KDM4C: variants seen among roughly 807,000 people sequenced by gnomAD.
KDM4C encodes lysine demethylase 4C, also known as lysine-specific demethylase 4C.
KDM4C carries 81 observed loss-of-function variants against 129.3 expected under a neutral mutation model. That is an observed-to-expected ratio of 0.63 (90% CI 0.52 to 0.75). KDM4C has a LOEUF of 0.75. KDM4C is among the 30% of genes least tolerant of loss of function. The pLI, the probability that KDM4C is intolerant of heterozygous loss-of-function variation, is 0.00. For missense variants in KDM4C, 1,457 were observed against 1,304.0 expected, an observed-to-expected ratio of 1.12 and a Z score of -1.81; for synonymous variants, 573 against 456.1, an observed-to-expected ratio of 1.26 and a Z score of -3.26.
intron 19 of KDM4C, among the ~76,000 whole-genome samples, chr9:7,148,329 C>CG (rs1301980206): frequency 2.0e-5 from 3 of 152,160 alleles, no homozygotes; most frequent in African/African-American, 7.2e-5. Flanking sequence ...TGCGGTGAGC[C>CG]GGGGGGCCAT....
chr9:7,124,830 G>A (rs900186620), intron 18 of KDM4C, among the ~76,000 whole-genome samples: 1 of 152,130 alleles, frequency 6.6e-6, no homozygotes, highest in Admixed American at 6.6e-5. Context: ...CTTTTGTTCT[G>A]TCAGGTGTGT....
At chr9:7,012,160 T>C (rs1185335135) in intron 13 of KDM4C, among the ~76,000 whole-genome samples, 1 of 152,202 alleles carries the variant, frequency 6.6e-6, no homozygotes, top group Non-Finnish European at 1.5e-5. Context: ...GCTTGTACTC[T>C]GGCTCAGGCG....
At chr9:7,093,212 T>C (rs538155168) in intron 17 of KDM4C, among the ~76,000 whole-genome samples, 1 of 152,152 alleles carries the variant, frequency 6.6e-6, no homozygotes, top group Non-Finnish European at 1.5e-5. Flanking sequence ...TGAGGACCTG[T>C]TAATGGCTAA....
intron 15 of KDM4C, among the ~76,000 whole-genome samples, chr9:7,024,743 T>A (rs1825507714): frequency 6.6e-6 from 1 of 152,232 alleles, no homozygotes; most frequent in Non-Finnish European, 1.5e-5. Context: ...TTGTTGGACA[T>A]TTGGGTTGAT....
rs750471377 is a variant in KDM4C at position 6,888,063 on chromosome 9, G to C, written c.783G>C (p.Lys261Asn). Reference sequence around the variant, plus strand: ...AGAAATATGGTATTCCCTTTGACAAGGTATGTTAGTATTCATCTTACACAA... The same window carrying C: ...AGAAATATGGTATTCCCTTTGACAACGTATGTTAGTATTCATCTTACACAA... ...VLKKYGIPFD[K>N]ITQEAGEFMI... Residue 261 changes from lysine (K) to asparagine (N), a missense_variant and splice_region_variant, in exon 7 of 22, where the codon AAG becomes AAC. Lys to Asn is a moderately conservative substitution (Grantham distance 94, BLOSUM62 0). Transcript: ENST00000381309. The C allele has an allele frequency of 2.0e-6, 3 of 1,472,566 alleles. No individual in the cohort carries two copies. The highest frequency in any genetic ancestry group is 1.9e-6 in the Non-Finnish European group (2 of 1,059,586). 91.2% of individuals were successfully genotyped at this position (1,472,566 alleles called of 1,614,324 possible).
intron 2 of KDM4C, among the ~76,000 whole-genome samples, chr9:6,793,542 C>CT (rs921927883): frequency 1.5e-3 from 203 of 137,644 alleles, no homozygotes; most frequent in Middle Eastern, 3.7e-3. Flanking sequence ...TTCTTTCTTT[C>CT]TTTTTTTTTT....
chr9:7,035,038 G>A (rs901343533), intron 15 of KDM4C, among the ~76,000 whole-genome samples: 2 of 151,816 alleles, frequency 1.3e-5, no homozygotes, highest in African/African-American at 4.8e-5. Flanking sequence ...TTGAGACAGG[G>A]TCTCACTTCC....
chr9:6,770,710 C>CTT (rs60353218), intron 1 of KDM4C, among the ~76,000 whole-genome samples: 2,457 of 79,194 alleles, frequency 0.031, 74 homozygotes, highest in African/African-American at 0.071. Context: ...TTTTCAACGT[C>CTT]TTTTTTTTTT....
At chr9:6,862,780 A>G (rs1336402561) in intron 5 of KDM4C, among the ~76,000 whole-genome samples, 2 of 152,100 alleles carry the variant, frequency 1.3e-5, no homozygotes, top group African/African-American at 2.4e-5. Context: ...GTACTCCAGC[A>G]TGGGTGACAG....
intron 15 of KDM4C, among the ~76,000 whole-genome samples, chr9:7,025,323 CTG>C (rs1018655045): frequency 1.3e-5 from 2 of 152,072 alleles, no homozygotes; most frequent in Non-Finnish European, 2.9e-5. Context: ...CAGAGCCACT[CTG>C]TGTCTTTTGA....
At chr9:6,768,253 C>T (rs10975824) in intron 1 of KDM4C, among the ~76,000 whole-genome samples, 1,763 of 151,972 alleles carry the variant, frequency 0.012, 21 homozygotes, top group Non-Finnish European at 0.017. Flanking sequence ...TAGAAAATCT[C>T]GGTCCCTGGG....
At chr9:6,858,589 CAT>C (rs1285528337) in intron 5 of KDM4C, among the ~76,000 whole-genome samples, 1 of 152,144 alleles carries the variant, frequency 6.6e-6, no homozygotes, top group Non-Finnish European at 1.5e-5. Flanking sequence ...TCTTGGCCAA[CAT>C]AGCAAAACCC....
chr9:6,774,535 C>G (rs1384770373), intron 1 of KDM4C, among the ~76,000 whole-genome samples: 1 of 152,044 alleles, frequency 6.6e-6, no homozygotes, highest in Non-Finnish European at 1.5e-5. Context: ...TGTGGTGGCA[C>G]ACACCCGTAA....
rs1432454600 is a variant in KDM4C, at chr9:7,035,975, G to C, written c.2260-10887G>C. Among the ~76,000 whole-genome samples the C allele has an allele frequency of 3.9e-5, 6 of 152,088 alleles. No homozygotes were observed. The East Asian group carries it at 7.7e-4, about 20-fold the overall frequency. On this transcript the variant is annotated intron_variant, in intron 15 of 21. Coordinates refer to ENST00000381309, the MANE Select transcript of KDM4C (RefSeq NM_015061.6). The stretch of plus-strand genomic sequence containing the variant: ...TTGCTTTGGCTATTTGGGATCATTT[G>C]TGGTTCCATACAAATGTTAGGGTTA...
At chr9:6,832,876 C>T (rs977859655) in intron 4 of KDM4C, among the ~76,000 whole-genome samples, 2 of 150,640 alleles carry the variant, frequency 1.3e-5, no homozygotes, top group Non-Finnish European at 2.9e-5. Context: ...TATAGGCACC[C>T]ACCACCTTGC....
At chr9:7,010,775 G>T (rs1822531806) in intron 12 of KDM4C, among the ~76,000 whole-genome samples, 1 of 152,194 alleles carries the variant, frequency 6.6e-6, no homozygotes, top group African/African-American at 2.4e-5. Context: ...CAGGCTCAGT[G>T]GTTCATGCCT....
At chr9:7,020,000 T>C (rs992354783) in intron 15 of KDM4C, among the ~76,000 whole-genome samples, 17 of 151,926 alleles carry the variant, frequency 1.1e-4, no homozygotes, top group African/African-American at 3.9e-4. Flanking sequence ...ATTAGGAAGA[T>C]AGAGATCATA....
chr9:7,012,075 T>C (rs1822816591), intron 13 of KDM4C, among the ~76,000 whole-genome samples, 196 bp downstream of exon 13: 1 of 152,166 alleles, frequency 6.6e-6, no homozygotes, highest in Non-Finnish European at 1.5e-5. Context: ...AAGTACTTTA[T>C]CTTTTCCTTT....
chr9:6,924,935 T>C, intron 8 of KDM4C: 2 of 984,784 alleles, frequency 2.0e-6, no homozygotes, highest in Non-Finnish European at 2.4e-6. Context: ...AATAATAATG[T>C]GTTCTGACAG....
Sources: gnomAD v4.1 joint callset for allele counts (sites outside exome capture counted in the v4.1 genomes callset) on GRCh38, gnomAD v4.1.1 for gene constraint, MANE v1.5 for transcripts, NCBI Gene and HGNC (gene_info 2026-07-23, HGNC 2026-07-21) for gene names.